Variants in DGLUCY observed in about 807,000 individuals in gnomAD.
DGLUCY encodes the protein D-glutamate cyclase, also known as D-glutamate cyclase, mitochondrial.
Under a neutral mutation model 58.5 loss-of-function variants are expected in DGLUCY, and 58 were observed. The observed-to-expected ratio is 0.99, with a 90% confidence interval of 0.80 to 1.23. The LOEUF (loss-of-function observed/expected upper bound fraction) is 1.23, where lower values mean the gene tolerates loss of function less well. DGLUCY is among the 50% of genes most tolerant of loss of function. The pLI is 0.00. For missense variants in DGLUCY, 779 were observed against 784.7 expected (o/e 0.99, Z 0.09); for synonymous variants, 325 against 314.1 (o/e 1.03, Z -0.37).
At chr14:91,097,879 T>G (rs1304469934) in intron 1 of DGLUCY, among the ~76,000 whole-genome samples, 3 of 152,204 alleles carry the variant, frequency 2.0e-5, no homozygotes, top group East Asian at 1.9e-4. Context: ...CTCATTTGAC[T>G]CCTCCTACCT....
intron 3 of DGLUCY, among the ~76,000 whole-genome samples, chr14:91,166,278 C>A (rs752834880): frequency 6.6e-6 from 1 of 152,158 alleles, no homozygotes; most frequent in Non-Finnish European, 1.5e-5. Flanking sequence ...TTGAGTGGGG[C>A]TCTGCAATTA....
chr14:91,090,903 C>T lies in DGLUCY; in HGVS notation c.-82+30199C>T, dbSNP rs549626634. ...GCTGCATCCTGCAGGGCGAATCCAC[C>T]CATTTCCCTGGCTTCTCCAAACACC... On this transcript the variant is annotated intron_variant, in intron 1 of 4. Transcript: ENST00000521334. Among the ~76,000 whole-genome samples the T allele has an allele frequency of 9.2e-5, 14 of 152,264 alleles. No individual in the cohort carries two copies. In the South Asian group the frequency reaches 2.9e-3, roughly 32 times the overall value.
intron 1 of DGLUCY, among the ~76,000 whole-genome samples, chr14:91,068,077 A>ACGCGCG (rs527668243): frequency 8.3e-5 from 7 of 84,554 alleles, no homozygotes; most frequent in South Asian, 3.6e-4. Flanking sequence ...ACACACGCGC[A>ACGCGCG]CGCACACACA....
chr14:91,174,780 G>GT (rs1269213943), intron 6 of DGLUCY, among the ~76,000 whole-genome samples: 1 of 152,218 alleles, frequency 6.6e-6, no homozygotes, highest in Non-Finnish European at 1.5e-5. Flanking sequence ...CTTGCAACTG[G>GT]TGTCTGTAGG....
upstream of DGLUCY, among the ~76,000 whole-genome samples, chr14:91,110,430 C>CTTTTTTTTTTTT (rs10711938): frequency 1.1e-5 from 1 of 88,092 alleles, no homozygotes; most frequent in Non-Finnish European, 2.3e-5. Context: ...TTCTTTCTTT[C>CTTTTTTTTTTTT]TTTTTTTTTT....
chr14:91,140,736 G>A (rs544347180), intron 1 of DGLUCY, among the ~76,000 whole-genome samples: 20 of 152,258 alleles, frequency 1.3e-4, no homozygotes, highest in African/African-American at 4.6e-4. Flanking sequence ...CCACCCATTC[G>A]TAATCTGTGC....
rs764623354 is a variant in DGLUCY at position 91,170,075 on chromosome 14, C to T, written c.330C>T (p.Tyr110=). The part of the protein sequence containing the change: ...CTGSLASLEQ[Y]SEQLKDMVAF... ...GCAGCCTGGCTTCGCTGGAGCAGTA[C>T]TCGGAGCAGCTGAAGGACATGGTGG... is the stretch of plus-strand genomic sequence containing the variant. The change falls in exon 5 of 14, where the codon TAC becomes TAT. Residue 110 remains tyrosine (Y), a synonymous_variant. Coordinates refer to ENST00000256324, the MANE Select transcript of DGLUCY (RefSeq NM_001102368.3). 1 of 1,612,612 alleles carries T rather than the reference C, an allele frequency of 6.2e-7. No homozygotes were observed. Among genetic ancestry groups the T allele is most frequent in the Non-Finnish European group, 8.5e-7 (1 of 1,180,030 alleles).
chr14:91,188,920 G>A lies in DGLUCY; in HGVS notation c.945G>A (p.Gly315=). ...TTTTTGTCATTTCAGGGAACCGGGG[G>A]ATTGGGCACCTGCTCTGTAAAGATG... The part of the protein sequence containing the change: ...SMIGIDPGNR[G]IGHLLCKDEL... The change falls in exon 9 of 14, where the codon GGG becomes GGA. Residue 315 remains glycine, a synonymous_variant. Coordinates refer to ENST00000256324, the MANE Select transcript of DGLUCY (RefSeq NM_001102368.3). 1 of 1,613,238 alleles carries A rather than the reference G, an allele frequency of 6.2e-7. No individual in the cohort carries two copies. Among genetic ancestry groups the A allele is most frequent in the Non-Finnish European group, 8.5e-7 (1 of 1,179,630 alleles).
At chr14:91,171,239 G>A (rs911252098) in intron 5 of DGLUCY, among the ~76,000 whole-genome samples, 3 of 152,136 alleles carry the variant, frequency 2.0e-5, no homozygotes, top group Admixed American at 1.3e-4. Flanking sequence ...ATGGGAACCT[G>A]GAACCCCTGG....
intron 1 of DGLUCY, among the ~76,000 whole-genome samples, chr14:91,140,495 A>ATCAC (rs1036121138): frequency 1.3e-5 from 2 of 152,126 alleles, no homozygotes; most frequent in Non-Finnish European, 2.9e-5. Flanking sequence ...AACATGGTGA[A>ATCAC]ACCCCATCTC....
At chr14:91,099,143 C>T (rs528303115) in intron 1 of DGLUCY, among the ~76,000 whole-genome samples, 1 of 152,306 alleles carries the variant, frequency 6.6e-6, no homozygotes, top group East Asian at 1.9e-4. Flanking sequence ...TTAAGGCCAA[C>T]AAATGGGACT....
intron 1 of DGLUCY, among the ~76,000 whole-genome samples, chr14:91,073,330 A>G (rs964108306): frequency 6.6e-6 from 1 of 152,060 alleles, no homozygotes; most frequent in Non-Finnish European, 1.5e-5. Context: ...AGTCCCAGCT[A>G]CTCAGGAGGA....
At chr14:91,192,952 A>T (rs1486617419) in intron 9 of DGLUCY, among the ~76,000 whole-genome samples, 1 of 152,222 alleles carries the variant, frequency 6.6e-6, no homozygotes, top group Non-Finnish European at 1.5e-5. Flanking sequence ...AGTTAGTGAT[A>T]TATAAAGAGT....
intron 7 of DGLUCY, among the ~76,000 whole-genome samples, chr14:91,179,310 C>T (rs1233184149): frequency 1.3e-5 from 2 of 152,002 alleles, no homozygotes; most frequent in African/African-American, 2.4e-5. Context: ...TCAGGCCAGG[C>T]TCTGTGGCTC....
In DGLUCY at chr14:91,068,071, A is replaced by G. The variant is rs933760147; in HGVS notation, c.-82+7367A>G. ...TGTACTGGCGCGTGCACACACACAC[A>G]CGCGCACGCACACACACACACACAC... On this transcript the variant is annotated intron_variant, in intron 1 of 4. Transcript: ENST00000521334. 9.8e-3 allele frequency among the ~76,000 whole-genome samples: 538 copies of G among 54,658 alleles called. 4 individuals are homozygous for G. The highest frequency in any genetic ancestry group is 0.034 in the African/African-American group (478 of 14,084). The allele number at this position is 54,658 out of a possible 152,430, so 35.9% of individuals were successfully genotyped here.
At position 91,203,341 on chromosome 14, in the gene DGLUCY, G is replaced by A. The variant is rs190791680; in HGVS notation, c.1445-1365G>A. Among the ~76,000 whole-genome samples, 13 of 152,324 alleles carry A rather than the reference G, an allele frequency of 8.5e-5. No individual in the cohort carries two copies. The East Asian group carries it at 2.3e-3, about 27-fold the overall frequency. ...CTTTTGGCCAAATTCACTCCCTGAT[G>A]TTTGAGATGGATCAGCTCTAGATCC... On this transcript the variant is annotated intron_variant, in intron 11 of 13. Coordinates refer to ENST00000256324, the MANE Select transcript of DGLUCY (RefSeq NM_001102368.3).
intron 1 of DGLUCY, among the ~76,000 whole-genome samples, chr14:91,093,619 A>T (rs962552413): frequency 6.6e-6 from 1 of 152,142 alleles, no homozygotes; most frequent in African/African-American, 2.4e-5. Context: ...CAGCTGGCCA[A>T]CATGGCAAAA....
chr14:91,209,799 A>T (rs1885382638), intron 12 of DGLUCY, among the ~76,000 whole-genome samples: 1 of 152,248 alleles, frequency 6.6e-6, no homozygotes. Context: ...AACTGTAAAG[A>T]CACTATATGT....
At chr14:91,147,747 A>T (rs1192178658) in intron 1 of DGLUCY, 2 of 152,212 alleles carry the variant, frequency 1.3e-5, no homozygotes, top group African/African-American at 4.8e-5. Flanking sequence ...TGGCTTTATT[A>T]TGTACATTTC....
Sources: gnomAD v4.1 joint callset for allele counts (sites outside exome capture counted in the v4.1 genomes callset) on GRCh38, gnomAD v4.1.1 for gene constraint, MANE v1.5 for transcripts, NCBI Gene and HGNC (gene_info 2026-07-23, HGNC 2026-07-21) for gene names.